The following POR variants were observed in gnomAD, a reference collection of about 807,000 sequenced individuals.
The protein encoded by POR is cytochrome p450 oxidoreductase, also known as NADPH--cytochrome P450 reductase.
POR carries 56 observed loss-of-function variants against 84.0 expected under a neutral mutation model. The observed-to-expected ratio is 0.67, with a 90% confidence interval of 0.54 to 0.83. The LOEUF (loss-of-function observed/expected upper bound fraction) is 0.83. Among genes scored for constraint, POR ranks in the 40% least tolerant of loss-of-function variants. The pLI is 0.00. For synonymous variants in POR, 414 were observed against 400.5 expected (o/e 1.03, Z -0.40); for missense variants, 938 against 944.3 (o/e 0.99, Z 0.09).
At chr7:75,969,889 A>G (rs1788353077) in intron 2 of POR, among the ~76,000 whole-genome samples, 1 of 152,206 alleles carries the variant, frequency 6.6e-6, no homozygotes, top group South Asian at 2.1e-4. Flanking sequence ...GTTAAGCCAC[A>G]GGAATGTGCA....
intron 1 of POR, chr7:75,923,432 CGCCAGCTGAACTAGA>C (rs1489604957): frequency 3.4e-6 from 2 of 595,384 alleles, no homozygotes; most frequent in African/African-American, 3.7e-5. Context: ...TCAGCTCATC[CGCCAGCTGAACTAGA>C]GCCAGGTGCC....
At chr7:75,954,330 C>A in intron 2 of POR, 150 bp downstream of exon 2, 1 of 773,002 alleles carries the variant, frequency 1.3e-6, no homozygotes, top group Non-Finnish European at 2.1e-6. Context: ...CTAGATTGTG[C>A]TTGAGCTCTC....
chr7:75,924,052 T>C (rs1807000642), intron 1 of POR, among the ~76,000 whole-genome samples: 1 of 152,176 alleles, frequency 6.6e-6, no homozygotes, highest in South Asian at 2.1e-4. Flanking sequence ...TTGCATCTTC[T>C]ATCCTAGGGT....
intron 14 of POR, 43 bp from the exon 15 acceptor site, chr7:75,986,116 C>T: frequency 2.5e-6 from 4 of 1,583,148 alleles, no homozygotes; most frequent in Non-Finnish European, 3.4e-6. Flanking sequence ...CTGGCAGGGC[C>T]ACAGCCACAG....
rs369026313 is a variant in POR, at chr7:75,980,461, C to T, written c.489C>T (p.Asp163=). The T allele has an allele frequency of 9.3e-6, 15 of 1,613,002 alleles. No individual in the cohort carries two copies. The highest frequency in any genetic ancestry group is 1.7e-5 in the Admixed American group (1 of 60,008). ...TCTACGACTGGCTGCAGGAGACAGACGTGGATCTCTCTGGGGTCAAGTTCG... is the reference window on the plus strand; with the variant it reads ...TCTACGACTGGCTGCAGGAGACAGATGTGGATCTCTCTGGGGTCAAGTTCG... Residue 163 remains aspartate (D), a synonymous_variant, in exon 5 of 16, where the codon GAC becomes GAT. Transcript: ENST00000461988.
intron 1 of POR, among the ~76,000 whole-genome samples, chr7:75,937,469 C>T (rs1807753583): frequency 2.6e-5 from 2 of 76,160 alleles, no homozygotes; most frequent in South Asian, 9.5e-4. Context: ...CAGACCCTGT[C>T]TCAAAAAAAA....
chr7:75,924,349 T>C (rs1419054627), intron 1 of POR, among the ~76,000 whole-genome samples: 1 of 152,136 alleles, frequency 6.6e-6, no homozygotes, highest in African/African-American at 2.4e-5. Context: ...TCTAGATCAG[T>C]TACCTGGATG....
chr7:75,958,500 T>G (rs1299183599), intron 2 of POR, among the ~76,000 whole-genome samples: 5 of 152,166 alleles, frequency 3.3e-5, no homozygotes, highest in African/African-American at 1.2e-4. Flanking sequence ...CAGCCCATTT[T>G]GCGGATGAAG....
intron 2 of POR, among the ~76,000 whole-genome samples, chr7:75,962,448 C>T (rs1307633814): frequency 6.6e-6 from 1 of 152,126 alleles, no homozygotes; most frequent in Non-Finnish European, 1.5e-5. Context: ...GCATGTGCCA[C>T]CATACTCGGC....
intron 2 of POR, among the ~76,000 whole-genome samples, chr7:75,966,890 G>A (rs1336880829): frequency 6.6e-6 from 1 of 152,140 alleles, no homozygotes; most frequent in African/African-American, 2.4e-5. Context: ...TTCATGCTCC[G>A]TTCTGGAGCC....
At chr7:75,919,378 C>CGTGTGT (rs1458787395) in intron 1 of POR, among the ~76,000 whole-genome samples, 3 of 136,180 alleles carry the variant, frequency 2.2e-5, no homozygotes, top group African/African-American at 1.0e-4. Flanking sequence ...TGCATCTGTG[C>CGTGTGT]GTGCGTGTGT....
At position 75,954,181 on chromosome 7, in the gene POR, G is replaced by A. The variant is rs1554553407; in HGVS notation, c.188+1G>A. 3 of 1,605,448 alleles carry A rather than the reference G, an allele frequency of 1.9e-6. No individual in the cohort carries two copies. The highest frequency in any genetic ancestry group is 2.6e-6 in the Non-Finnish European group (3 of 1,175,320). Reference sequence around the variant, plus strand: ...CCGAGTTCACCAAAATTCAGACATTGTAAGTGCCGCCTCTCAGCCTCCTCT... The same window carrying A: ...CCGAGTTCACCAAAATTCAGACATTATAAGTGCCGCCTCTCAGCCTCCTCT... On this transcript the variant is annotated splice_donor_variant, in intron 2 of 15. Coordinates refer to ENST00000461988, the MANE Select transcript of POR (RefSeq NM_000941.3). LOFTEE classifies it high-confidence loss of function.
chr7:75,954,625 C>T (rs1465635965), intron 2 of POR, among the ~76,000 whole-genome samples: 2 of 151,932 alleles, frequency 1.3e-5, no homozygotes, highest in African/African-American at 4.8e-5. Context: ...CTGTAATCTC[C>T]ACCTCCCAGG....
At chr7:75,924,140 G>C (rs1239967517) in intron 1 of POR, among the ~76,000 whole-genome samples, 1 of 151,940 alleles carries the variant, frequency 6.6e-6, no homozygotes. Context: ...CAAGCCCGGG[G>C]ACATAATTGA....
rs782679608 is a variant in POR, at chr7:75,981,188, G to A, written c.641+16G>A. On this transcript the variant is annotated intron_variant, in intron 6 of 15. Transcript: ENST00000461988. Reference sequence around the variant, plus strand: ...ACGATGGGAAGTGAGTGCCCACCCTGCCACCATGATCAGCGCGGCGGGCTT... The same window carrying A: ...ACGATGGGAAGTGAGTGCCCACCCTACCACCATGATCAGCGCGGCGGGCTT... The A allele has an allele frequency of 1.3e-6, 2 of 1,529,588 alleles. No individual in the cohort carries two copies. The highest frequency in any genetic ancestry group is 2.4e-5 in the South Asian group (2 of 82,194). The allele number at this position is 1,529,588 out of a possible 1,614,324, so 94.8% of individuals were successfully genotyped here. A position where few individuals can be genotyped will look rare whatever the true frequency, so the allele number is the denominator to read the frequency against.
chr7:75,952,350 A>G (rs1245242489), intron 1 of POR, among the ~76,000 whole-genome samples: 3 of 122,618 alleles, frequency 2.4e-5, no homozygotes, highest in Non-Finnish European at 5.0e-5. Context: ...CTCACTTCCC[A>G]GTAGGGGCGG....
rs1402063173 is a variant in POR, at chr7:75,944,249, G to T, written c.-4-9740G>T. 2.6e-5 allele frequency among the ~76,000 whole-genome samples: 4 copies of T among 152,210 alleles called. No individual in the cohort carries two copies. In the East Asian group the frequency reaches 7.7e-4, roughly 29 times the overall value. The stretch of plus-strand genomic sequence containing the variant: ...ATATTTAATAAAATCAAAAAAGGCT[G>T]GGTGCAATGGCTTACACCTGTAATC... On this transcript the variant is annotated intron_variant, in intron 1 of 15. Transcript: ENST00000461988.
At position 75,983,876 on chromosome 7, in the gene POR, C is replaced by T. The variant is rs782720450; in HGVS notation, c.1066+20C>T. The T allele has an allele frequency of 1.3e-5, 20 of 1,570,600 alleles. No individual in the cohort carries two copies. The highest frequency in any genetic ancestry group is 1.7e-4 in the Middle Eastern group (1 of 5,928). ...TGGATGGTGAGTGCCACAGTCAGGG[C>T]GCCCTGCCGGGCTCAGGCAGCCGCG... On this transcript the variant is annotated intron_variant, in intron 10 of 15. Transcript: ENST00000461988.
At position 75,982,220 on chromosome 7, in the gene POR, C is replaced by T. The variant is rs1160936903; in HGVS notation, c.732-4C>T. 1.2e-6 allele frequency: 2 copies of T among 1,607,354 alleles called. No homozygotes were observed. The highest frequency in any genetic ancestry group is 1.7e-6 in the Non-Finnish European group (2 of 1,177,180). ...CGGCCTCACCCTTGGTCTCCCCTTTCCAGCATTCGCCAGTACGAGCTTGTG... is the reference window on the plus strand; with the variant it reads ...CGGCCTCACCCTTGGTCTCCCCTTTTCAGCATTCGCCAGTACGAGCTTGTG... On this transcript the variant is annotated splice_region_variant and splice_polypyrimidine_tract_variant and intron_variant, in intron 7 of 15. Transcript: ENST00000461988.
Sources: allele counts gnomAD v4.1 joint callset (sites outside exome capture counted in the v4.1 genomes callset), GRCh38; gene constraint gnomAD v4.1.1; transcripts MANE v1.5; gene names NCBI Gene and HGNC (gene_info 2026-07-23, HGNC 2026-07-21).